ETNPPL: variants seen among roughly 807,000 people sequenced by gnomAD.
ETNPPL encodes the protein alanine--glyoxylate aminotransferase 2-like 1.
ETNPPL carries 30 observed loss-of-function variants against 55.5 expected under a neutral mutation model. That is an observed-to-expected ratio of 0.54 (90% CI 0.40 to 0.73). ETNPPL has a LOEUF of 0.73. Among genes scored for constraint, ETNPPL ranks in the 30% least tolerant of loss-of-function variants. The probability of loss-of-function intolerance (pLI) is 0.00; values close to 1 mark genes in which losing one functional copy is unlikely to be tolerated. For missense variants in ETNPPL, 528 were observed against 607.9 expected (o/e 0.87, Z 1.38); for synonymous variants, 202 against 207.2 (o/e 0.98, Z 0.21).
At chr4:108,753,665 G>A (rs1447487768) in intron 5 of ETNPPL, among the ~76,000 whole-genome samples, 1 of 151,818 alleles carries the variant, frequency 6.6e-6, no homozygotes, top group African/African-American at 2.4e-5. Context: ...TCGCTTGAAC[G>A]CTGTAAGCGG....
At chr4:108,757,084 G>C (rs951016595) in intron 3 of ETNPPL, among the ~76,000 whole-genome samples, 1 of 152,026 alleles carries the variant, frequency 6.6e-6, no homozygotes, top group Non-Finnish European at 1.5e-5. Flanking sequence ...CTGAGGACAC[G>C]AAGAAGCCTT....
rs890253836 is a variant in ETNPPL, at chr4:108,756,472, G to A, written c.356C>T (p.Ala119Val). 7 of 1,613,756 alleles carry A rather than the reference G, an allele frequency of 4.3e-6. No individual in the cohort carries two copies. The highest frequency in any genetic ancestry group is 1.6e-4 in the Middle Eastern group (1 of 6,084). ...TNSGSEANDLALRLARQFRGH... is the reference protein window; with the variant it reads ...TNSGSEANDLVLRLARQFRGH... ...TCTGAACTGCCGAGCCAGGCGTAAG[G>A]CTAAGTCGTTGGCTTCGGATCTATT... Residue 119 changes from alanine to valine, a missense_variant, in exon 4 of 13, where the codon GCC becomes GTC. Ala to Val is a moderately conservative substitution (Grantham distance 64). Transcript: ENST00000296486.
chr4:108,749,052 T>A (rs1395864558), intron 8 of ETNPPL, among the ~76,000 whole-genome samples, 186 bp downstream of exon 8: 1 of 151,974 alleles, frequency 6.6e-6, no homozygotes, highest in African/African-American at 2.4e-5. Flanking sequence ...TCCCAGAACT[T>A]AAAGTATAAT....
chr4:108,747,142 ATATATAATATATATATATATAT>A (rs1728570297), intron 9 of ETNPPL, among the ~76,000 whole-genome samples: 1 of 24,882 alleles, frequency 4.0e-5, no homozygotes, highest in African/African-American at 2.1e-4. Context: ...ATATATATAT[ATATATAATATATATATATATAT>A]TATATATATA....
intron 9 of ETNPPL, 64 bp downstream of exon 9, chr4:108,747,941 C>T (rs1474734631): frequency 1.4e-6 from 2 of 1,398,372 alleles, no homozygotes; most frequent in Non-Finnish European, 9.9e-7. Flanking sequence ...TGTTGCCCAG[C>T]CTATAAACTA....
At chr4:108,747,628 T>A (rs570733771) in intron 9 of ETNPPL, among the ~76,000 whole-genome samples, 13 of 152,202 alleles carry the variant, frequency 8.5e-5, no homozygotes, top group Non-Finnish European at 7.4e-5. Flanking sequence ...TGGTGATATC[T>A]GGATTCTGGA....
At chr4:108,757,429 A>T (rs905674320) in intron 3 of ETNPPL, among the ~76,000 whole-genome samples, 4 of 152,140 alleles carry the variant, frequency 2.6e-5, no homozygotes, top group Non-Finnish European at 5.9e-5. Context: ...CATAGCTAAT[A>T]TGAGGTAGAG....
At chr4:108,753,748 ATAAGAAAGAAAGAAAGAAAG>A (rs1729026292) in intron 5 of ETNPPL, among the ~76,000 whole-genome samples, 1 of 38,886 alleles carries the variant, frequency 2.6e-5, no homozygotes, top group African/African-American at 9.1e-5. Flanking sequence ...TCTCAAATAA[ATAAGAAAGAAAGAAAGAAAG>A]AAAGAAAGAA....
In ETNPPL at chr4:108,748,001, A is replaced by C. The variant is rs750402743; in HGVS notation, c.1082+4T>G. On this transcript the variant is annotated splice_donor_region_variant and intron_variant, in intron 9 of 12. Transcript: ENST00000296486. Reference sequence around the variant, plus strand: ...ACTACATGACAACTTCATAATGAACATACCTAATATCTCCTATCAAAGTGT... The same window carrying C: ...ACTACATGACAACTTCATAATGAACCTACCTAATATCTCCTATCAAAGTGT... 13 of 1,604,700 alleles carry C rather than the reference A, an allele frequency of 8.1e-6. No individual in the cohort carries two copies. In the South Asian group the frequency reaches 1.5e-4, roughly 18 times the overall value.
intron 7 of ETNPPL, among the ~76,000 whole-genome samples, chr4:108,749,855 G>A (rs900531578): frequency 1.3e-5 from 2 of 152,054 alleles, no homozygotes; most frequent in African/African-American, 4.8e-5. Context: ...CTACAAACGT[G>A]TGCCACCATG....
In ETNPPL at chr4:108,745,421, C is replaced by T. The variant is rs537736585; in HGVS notation, c.1303+978G>A. Among the ~76,000 whole-genome samples the T allele has an allele frequency of 5.9e-5, 9 of 151,944 alleles. No homozygotes were observed. In the East Asian group the frequency reaches 1.8e-3, roughly 30 times the overall value. On this transcript the variant is annotated intron_variant, in intron 11 of 12. Transcript: ENST00000296486. Reference sequence around the variant, plus strand: ...ACCAGCCTGGCCCACATGGTGAAACCTGTCTCCACTAAAAATACAAACATT... The same window carrying T: ...ACCAGCCTGGCCCACATGGTGAAACTTGTCTCCACTAAAAATACAAACATT...
At chr4:108,756,539 T>A (rs746803110) in intron 3 of ETNPPL, 47 bp from the exon 4 acceptor site, 1 of 1,450,308 alleles carries the variant, frequency 6.9e-7, no homozygotes, top group South Asian at 1.1e-5. Context: ...AGTCTCTTTT[T>A]AAAACATTTA....
chr4:108,760,101 C>T, intron 2 of ETNPPL, 87 bp downstream of exon 2: 2 of 1,122,002 alleles, frequency 1.8e-6, no homozygotes, highest in South Asian at 2.8e-5. Context: ...GCAGCCACTG[C>T]AATTCCCCAA....
intron 6 of ETNPPL, among the ~76,000 whole-genome samples, chr4:108,752,565 A>C (rs57686078): frequency 0.16 from 24,236 of 152,076 alleles, 2,734 homozygotes; most frequent in East Asian, 0.48. Flanking sequence ...CCTCAGGTCC[A>C]AGGGCTACTT....
At chr4:108,743,994 G>A (rs774333920) in intron 11 of ETNPPL, 138 bp from the exon 12 acceptor site, 6 of 633,228 alleles carry the variant, frequency 9.5e-6, no homozygotes, top group East Asian at 2.8e-5. Context: ...TGGGCGCTGT[G>A]GCTCATGCCT....
chr4:108,762,793 C>T, intron 1 of ETNPPL, 50 bp downstream of exon 1: 3 of 1,599,696 alleles, frequency 1.9e-6, no homozygotes, highest in Admixed American at 1.7e-5. Context: ...ACCTTCTGCA[C>T]TCGTTATTGC....
At chr4:108,753,975 T>TTC (rs1453517903) in intron 5 of ETNPPL, among the ~76,000 whole-genome samples, 1 of 135,936 alleles carries the variant, frequency 7.4e-6, no homozygotes, top group African/African-American at 3.0e-5. Flanking sequence ...TTTCTTTTCT[T>TTC]TTTTTTTTTT....
Position 108,759,567 on chromosome 4 carries a change from C to T in ETNPPL, c.335+182G>A, listed in dbSNP as rs72895036. 4.1e-3 allele frequency among the ~76,000 whole-genome samples: 627 copies of T among 152,158 alleles called. 8 individuals are homozygous for T. The highest frequency in any genetic ancestry group is 0.015 in the African/African-American group (605 of 41,516). On this transcript the variant is annotated intron_variant, in intron 3 of 12. Coordinates refer to ENST00000296486, the MANE Select transcript of ETNPPL (RefSeq NM_031279.4). ...TCATTTGATCAGTTAGATTCACAGT[C>T]GTAGAATAAAGTGGGAGAACCAGAA...
chr4:108,754,911 T>C (rs1729124921), intron 4 of ETNPPL: 1 of 487,908 alleles, frequency 2.0e-6, no homozygotes, highest in South Asian at 3.3e-5. Context: ...CTTTTACATG[T>C]AATAAAACTC....
Sources: gnomAD v4.1 joint callset for allele counts (sites outside exome capture counted in the v4.1 genomes callset) on GRCh38, gnomAD v4.1.1 for gene constraint, MANE v1.5 for transcripts, NCBI Gene and HGNC (gene_info 2026-07-23, HGNC 2026-07-21) for gene names.